NPY2R: variants seen among roughly 807,000 people sequenced by gnomAD.
The protein encoded by NPY2R is neuropeptide Y receptor Y2, also known as neuropeptide Y receptor type 2.
Under a neutral mutation model 22.3 loss-of-function variants are expected in NPY2R, and 17 were observed. That is an observed-to-expected ratio of 0.76 (90% CI 0.52 to 1.14). The LOEUF (loss-of-function observed/expected upper bound fraction) is 1.14, where lower values mean the gene tolerates loss of function less well. NPY2R is among the 50% of genes most tolerant of loss of function. The pLI is 0.00. For synonymous variants in NPY2R, 209 were observed against 183.4 expected, an observed-to-expected ratio of 1.14 and a Z score of -1.13; for missense variants, 424 against 467.9, an observed-to-expected ratio of 0.91 and a Z score of 0.87.
the NPY2R span, among the ~76,000 whole-genome samples, chr4:155,194,428 T>A: frequency 6.6e-6 from 1 of 151,804 alleles, no homozygotes; most frequent in Non-Finnish European, 1.5e-5. Flanking sequence ...GGCCTCAGTG[T>A]TTTTTGTCCC....
At chr4:155,181,577 T>A in the NPY2R span, among the ~76,000 whole-genome samples, 1 of 152,092 alleles carries the variant, frequency 6.6e-6, no homozygotes, top group Non-Finnish European at 1.5e-5. Context: ...GAAGATTAGA[T>A]CATAAATGGG....
upstream of NPY2R, among the ~76,000 whole-genome samples, chr4:155,204,048 G>T (rs529016572): frequency 3.9e-5 from 6 of 152,030 alleles, no homozygotes; most frequent in Non-Finnish European, 8.8e-5. Context: ...TTGGCCAGTG[G>T]CCTGATTTGT....
At position 155,215,017 on chromosome 4, in the gene NPY2R, A is replaced by G. The variant is rs770342783; in HGVS notation, c.1078A>G (p.Lys360Glu). 30 of 1,613,956 alleles carry G rather than the reference A, an allele frequency of 1.9e-5. No homozygotes were observed. Among genetic ancestry groups the G allele is most frequent in the Non-Finnish European group, 2.5e-5 (29 of 1,180,014 alleles). Residue 360 changes from lysine to glutamate, a missense_variant, in exon 2 of 2, where the codon AAA becomes GAA. Physicochemically the swap from Lys to Glu is moderately conservative, Grantham distance 56 (BLOSUM62 1). Transcript: ENST00000329476. ...HSEVSVTFKA[K>E]KNLEVRKNSG... Reference sequence around the variant, plus strand: ...TGAGGTGTCCGTGACATTCAAGGCTAAAAAGAACCTGGAGGTCAGAAAGAA... The same window carrying G: ...TGAGGTGTCCGTGACATTCAAGGCTGAAAAGAACCTGGAGGTCAGAAAGAA...
At chr4:155,195,713 G>A in the NPY2R span, among the ~76,000 whole-genome samples, 3 of 151,964 alleles carry the variant, frequency 2.0e-5, no homozygotes, top group East Asian at 5.8e-4. Flanking sequence ...AACTCAGTTA[G>A]GTAATTGGAA....
At chr4:155,177,451 G>T in the NPY2R span, among the ~76,000 whole-genome samples, 1 of 152,084 alleles carries the variant, frequency 6.6e-6, no homozygotes. Flanking sequence ...AATAATCTTT[G>T]ACTCCATGTC....
chr4:155,211,034 A>C (rs1179010745), intron 1 of NPY2R, among the ~76,000 whole-genome samples: 2 of 152,154 alleles, frequency 1.3e-5, no homozygotes, highest in Non-Finnish European at 2.9e-5. Flanking sequence ...AAGCATATGG[A>C]TGTTATGTCA....
chr4:155,195,468 G>T, the NPY2R span, among the ~76,000 whole-genome samples: 1 of 151,876 alleles, frequency 6.6e-6, no homozygotes, highest in Non-Finnish European at 1.5e-5. Context: ...TTTTGATGAA[G>T]GGAACCAAAT....
the NPY2R span, among the ~76,000 whole-genome samples, chr4:155,174,963 C>T: frequency 6.6e-6 from 1 of 152,032 alleles, no homozygotes; most frequent in Non-Finnish European, 1.5e-5. Flanking sequence ...TGAAACTATT[C>T]TCTAATGGAG....
chr4:155,181,839 A>T, the NPY2R span, among the ~76,000 whole-genome samples: 9 of 152,282 alleles, frequency 5.9e-5, no homozygotes, highest in South Asian at 1.9e-3. Context: ...TGACAAATAC[A>T]TTGGTGGGAC....
chr4:155,185,196 C>T, the NPY2R span, among the ~76,000 whole-genome samples: 3 of 151,788 alleles, frequency 2.0e-5, no homozygotes, highest in African/African-American at 4.8e-5. Context: ...CCTGCCACCA[C>T]GCGTGGCTAA....
upstream of NPY2R, chr4:155,207,898 G>A (rs1362773182): frequency 6.6e-6 from 1 of 152,284 alleles, no homozygotes; most frequent in African/African-American, 2.4e-5. Flanking sequence ...TTTAACCTGA[G>A]CCAGAGCTCA....
chr4:155,174,754 G>C, the NPY2R span, among the ~76,000 whole-genome samples: 1 of 151,870 alleles, frequency 6.6e-6, no homozygotes, highest in Non-Finnish European at 1.5e-5. Context: ...GTTTGAGGAA[G>C]TGCAAATTTG....
At chr4:155,194,265 G>T in the NPY2R span, among the ~76,000 whole-genome samples, 1 of 151,716 alleles carries the variant, frequency 6.6e-6, no homozygotes, top group South Asian at 2.1e-4. Flanking sequence ...TTTATTTTAG[G>T]TTCAGGACAT....
At chr4:155,213,857 T>C (rs1228304050) in intron 1 of NPY2R, 35 bp from the exon 2 acceptor site, 13 of 1,129,586 alleles carry the variant, frequency 1.2e-5, no homozygotes, top group Non-Finnish European at 1.6e-5. Flanking sequence ...GTTTTTGTTG[T>C]TGTTGTTTTG....
At chr4:155,181,027 T>G in the NPY2R span, among the ~76,000 whole-genome samples, 5 of 152,186 alleles carry the variant, frequency 3.3e-5, no homozygotes, top group African/African-American at 9.7e-5. Context: ...AATTATATTT[T>G]TCCTTTATTT....
the NPY2R span, among the ~76,000 whole-genome samples, chr4:155,189,551 G>T: frequency 0.011 from 1,660 of 152,030 alleles, 17 homozygotes; most frequent in Non-Finnish European, 0.019. Context: ...GTGGGCTTTT[G>T]CATGGGCTAG....
At chr4:155,211,627 T>A (rs994707960) in intron 1 of NPY2R, among the ~76,000 whole-genome samples, 2 of 152,192 alleles carry the variant, frequency 1.3e-5, no homozygotes, top group Admixed American at 6.5e-5. Flanking sequence ...TATGTTATTA[T>A]CAGATCATGC....
the NPY2R span, among the ~76,000 whole-genome samples, chr4:155,203,128 A>C: frequency 6.6e-6 from 1 of 152,158 alleles, no homozygotes; most frequent in Middle Eastern, 3.2e-3. Flanking sequence ...AATCCTGCTT[A>C]ATTGCTTTGA....
In NPY2R at chr4:155,216,940, T is replaced by C. The variant is rs1463073617; in HGVS notation, c.*1855T>C. On this transcript the variant is annotated 3_prime_UTR_variant, in exon 2 of 2. Transcript: ENST00000329476. ...GAAATGTATATGCTACTGTGTTACA[T>C]GTTGTATTAGTAAATTATTAGAATC... is the stretch of plus-strand genomic sequence containing the variant. The C allele has an allele frequency of 6.0e-6, 1 of 167,064 alleles. No individual in the cohort carries two copies. The highest frequency in any genetic ancestry group is 1.5e-5 in the Non-Finnish European group (1 of 68,114). The allele number at this position is 167,064 out of a possible 1,614,324, so 10.3% of individuals were successfully genotyped here.
Sources: allele counts gnomAD v4.1 joint callset (sites outside exome capture counted in the v4.1 genomes callset), GRCh38; gene constraint gnomAD v4.1.1; transcripts MANE v1.5; gene names NCBI Gene and HGNC (gene_info 2026-07-23, HGNC 2026-07-21).